Variants in DLC1 observed in about 807,000 individuals in gnomAD.
DLC1 encodes DLC1 Rho GTPase activating protein, also known as rho GTPase-activating protein 7.
DLC1 carries 54 observed loss-of-function variants against 140.3 expected under a neutral mutation model. That is an observed-to-expected ratio of 0.38 (90% CI 0.31 to 0.48). DLC1 has a LOEUF of 0.48. Ranked by LOEUF, DLC1 falls within the 20% of genes least tolerant of loss-of-function variation. The pLI, the probability that DLC1 is intolerant of heterozygous loss-of-function variation, is 0.96. For synonymous variants in DLC1, 986 were observed against 728.1 expected (o/e 1.35, Z -5.70); for missense variants, 2,536 against 1,907.0 (o/e 1.33, Z -6.14).
At chr8:13,272,658 G>A (rs936568987) in intron 5 of DLC1, among the ~76,000 whole-genome samples, 3 of 151,872 alleles carry the variant, frequency 2.0e-5, no homozygotes, top group Non-Finnish European at 2.9e-5. Context: ...TCAAGAGATC[G>A]AGACCATCCT....
At chr8:13,207,510 T>C (rs1209266322) in intron 5 of DLC1, among the ~76,000 whole-genome samples, 3 of 152,202 alleles carry the variant, frequency 2.0e-5, no homozygotes, top group Admixed American at 6.5e-5. Flanking sequence ...TGTCATATTT[T>C]TTATCCTAAA....
chr8:13,100,857 C>G (rs1266115499), intron 8 of DLC1, 87 bp from the exon 9 acceptor site: 8 of 1,375,670 alleles, frequency 5.8e-6, no homozygotes, highest in South Asian at 1.6e-5. Context: ...TCATAATATG[C>G]CAGTAGTATC....
intron 1 of DLC1, among the ~76,000 whole-genome samples, chr8:13,537,979 A>G (rs1318650660): frequency 6.6e-6 from 1 of 152,152 alleles, no homozygotes; most frequent in Non-Finnish European, 1.5e-5. Context: ...TTGAGAGGTT[A>G]ATACGTTCCA....
intron 1 of DLC1, among the ~76,000 whole-genome samples, chr8:13,562,951 A>G (rs1461639592): frequency 6.6e-6 from 1 of 152,134 alleles, no homozygotes; most frequent in Non-Finnish European, 1.5e-5. Context: ...GAGTATGTCA[A>G]TGTGTTTTTA....
chr8:13,158,791 T>C (rs570735467), intron 5 of DLC1, among the ~76,000 whole-genome samples: 13 of 144,752 alleles, frequency 9.0e-5, no homozygotes, highest in Admixed American at 3.6e-4. Context: ...GTCTTATTTT[T>C]CTTTGACACC....
intron 4 of DLC1, among the ~76,000 whole-genome samples, chr8:13,325,935 G>A (rs548272100): frequency 2.9e-4 from 44 of 152,248 alleles, no homozygotes; most frequent in South Asian, 2.1e-3. Flanking sequence ...TTATAATGGA[G>A]CATATATAGA....
intron 2 of DLC1, among the ~76,000 whole-genome samples, chr8:13,447,955 G>T (rs1156809493): frequency 6.6e-6 from 1 of 152,170 alleles, no homozygotes. Flanking sequence ...AGGATGGCGT[G>T]TGTGTGAAAA....
At chr8:13,588,069 TCAGA>T (rs1415638678) in intron 1 of DLC1, among the ~76,000 whole-genome samples, 2 of 152,092 alleles carry the variant, frequency 1.3e-5, no homozygotes, top group Non-Finnish European at 2.9e-5. Context: ...GTTTTAAAAG[TCAGA>T]CAGTCTTCAG....
rs550041966 is a variant in DLC1, at chr8:13,224,583, G to A, written c.1348+80686C>T. On this transcript the variant is annotated intron_variant, in intron 5 of 17. Transcript: ENST00000276297. Reference sequence around the variant, plus strand: ...TGGATGTGGGGTAAGGAGCCCTAAGGGGTGGTCAAAGGTTAAAGGTGAAAG... The same window carrying A: ...TGGATGTGGGGTAAGGAGCCCTAAGAGGTGGTCAAAGGTTAAAGGTGAAAG... Among the ~76,000 whole-genome samples the A allele has an allele frequency of 3.3e-5, 5 of 152,270 alleles. No individual in the cohort carries two copies. The South Asian group carries it at 1.0e-3, about 32-fold the overall frequency.
chr8:13,329,440 A>C (rs1406345), intron 4 of DLC1, among the ~76,000 whole-genome samples: 74,033 of 151,920 alleles, frequency 0.49, 18,439 homozygotes, highest in Admixed American at 0.58. Flanking sequence ...AATGGAATCT[A>C]GTCATCCCCA....
chr8:13,125,699 A>C (rs1821497101), intron 5 of DLC1, among the ~76,000 whole-genome samples: 1 of 152,116 alleles, frequency 6.6e-6, no homozygotes, highest in East Asian at 1.9e-4. Flanking sequence ...CTAGTAAGGA[A>C]TGGAAGCTTT....
chr8:13,521,905 A>G (rs1802778547), intron 1 of DLC1, among the ~76,000 whole-genome samples: 1 of 152,160 alleles, frequency 6.6e-6, no homozygotes, highest in South Asian at 2.1e-4. Context: ...TGTTCATAAC[A>G]CCAGTCTGTG....
At position 13,446,460 on chromosome 8, in the gene DLC1, G is replaced by T. The variant is rs77443342; in HGVS notation, c.1024-44841C>A. Among the ~76,000 whole-genome samples the T allele has an allele frequency of 4.6e-3, 695 of 152,166 alleles. 4 individuals carry two copies. Among genetic ancestry groups the T allele is most frequent in the African/African-American group, 0.016 (659 of 41,494 alleles). On this transcript the variant is annotated intron_variant, in intron 2 of 17. Coordinates refer to ENST00000276297, the MANE Select transcript of DLC1 (RefSeq NM_182643.3). ...ACTGTTATTGCAGACATGGGCCTGG[G>T]CTTGTTATTTAGTCATGACTAAGTT...
chr8:13,423,777 C>A (rs142279246), intron 2 of DLC1, among the ~76,000 whole-genome samples: 23 of 152,222 alleles, frequency 1.5e-4, no homozygotes, highest in Admixed American at 6.5e-4. Context: ...CAGATCCTGT[C>A]ACCATTAGTA....
chr8:13,102,824 A>G lies in DLC1; in HGVS notation c.1532T>C (p.Val511Ala). The change falls in exon 8 of 18, where the codon GTG becomes GCG. Residue 511 changes from valine (V) to alanine (A), a missense_variant. Transcript: ENST00000276297. The stretch of plus-strand genomic sequence containing the variant: ...ATGAGGACTAATTTCTAGCTTCATC[A>G]CCGCACATTTGTTTAAAGTATTTAG... ...RRLNTLNKCAVMKLEISPHRK... is the reference protein window; with the variant it reads ...RRLNTLNKCAAMKLEISPHRK... 6.2e-7 allele frequency: 1 copy of G among 1,614,052 alleles called. No individual in the cohort carries two copies. Among genetic ancestry groups the G allele is most frequent in the Non-Finnish European group, 8.5e-7 (1 of 1,179,984 alleles).
At chr8:13,279,247 G>A (rs530229276) in intron 5 of DLC1, among the ~76,000 whole-genome samples, 1 of 152,338 alleles carries the variant, frequency 6.6e-6, no homozygotes, top group East Asian at 1.9e-4. Context: ...AACACACACT[G>A]TTTAACAGTA....
intron 6 of DLC1, among the ~76,000 whole-genome samples, chr8:13,112,008 G>A (rs372727161): frequency 5.9e-5 from 9 of 152,152 alleles, no homozygotes; most frequent in Admixed American, 1.3e-4. Flanking sequence ...AAATTTTACT[G>A]GGCATGGTGG....
rs560701554 is a variant in DLC1, at chr8:13,575,870, G to A, written c.-126+28667C>T. 2.0e-5 allele frequency among the ~76,000 whole-genome samples: 3 copies of A among 152,294 alleles called. No individual in the cohort carries two copies. In the East Asian group the frequency reaches 5.8e-4, roughly 29 times the overall value. ...GTATAAAGGAAGGCTTTGTATTGTGGCTTTAGTATGCACTGAGACATGTGT... is the reference window on the plus strand; with the variant it reads ...GTATAAAGGAAGGCTTTGTATTGTGACTTTAGTATGCACTGAGACATGTGT... On this transcript the variant is annotated intron_variant, in intron 1 of 1. Coordinates refer to the DLC1 transcript ENST00000631382.
chr8:13,179,427 TAAAG>T (rs1210467509), intron 5 of DLC1, among the ~76,000 whole-genome samples: 1 of 152,152 alleles, frequency 6.6e-6, no homozygotes, highest in Non-Finnish European at 1.5e-5. Flanking sequence ...TATTTTTTAA[TAAAG>T]AATTAATGGC....
Sources: allele counts gnomAD v4.1 joint callset (sites outside exome capture counted in the v4.1 genomes callset), GRCh38; gene constraint gnomAD v4.1.1; transcripts MANE v1.5; gene names NCBI Gene and HGNC (gene_info 2026-07-23, HGNC 2026-07-21).